Variants in ADCY8 observed in about 807,000 individuals in gnomAD.
ADCY8 encodes adenylate cyclase type 8.
In ADCY8, 51 loss-of-function variants were observed where a neutral mutation model predicts 119.7. That is an observed-to-expected ratio of 0.43 (90% CI 0.34 to 0.54). ADCY8 has a LOEUF of 0.54. Ranked by LOEUF, ADCY8 falls within the 20% of genes least tolerant of loss-of-function variation. The pLI, the probability that ADCY8 is intolerant of heterozygous loss-of-function variation, is 0.03. For synonymous variants in ADCY8, 665 were observed against 651.0 expected (o/e 1.02, Z -0.33); for missense variants, 1,383 against 1,598.8 (o/e 0.87, Z 2.30).
chr8:130,797,417 A>T (rs118190941), intron 15 of ADCY8, among the ~76,000 whole-genome samples: 2 of 152,294 alleles, frequency 1.3e-5, no homozygotes, highest in African/African-American at 2.4e-5. Context: ...TAGGGTAATT[A>T]AAAAAATTGG....
At chr8:130,973,590 C>T (rs906717663) in intron 2 of ADCY8, among the ~76,000 whole-genome samples, 3 of 152,230 alleles carry the variant, frequency 2.0e-5, no homozygotes, top group South Asian at 2.1e-4. Context: ...AGCCAACACA[C>T]ATTTGTGAGC....
chr8:130,980,780 A>G lies in ADCY8; in HGVS notation c.1110+9613T>C, dbSNP rs139010723. ...CTCTGTCTCAACTTTCTAGATTCCAATGGCCGATCAAGAGTAGTGTCAAGG... is the reference window on the plus strand; with the variant it reads ...CTCTGTCTCAACTTTCTAGATTCCAGTGGCCGATCAAGAGTAGTGTCAAGG... On this transcript the variant is annotated intron_variant, in intron 2 of 17. Transcript: ENST00000286355. Among the ~76,000 whole-genome samples, 47 of 152,316 alleles carry G rather than the reference A, an allele frequency of 3.1e-4. No homozygotes were observed. The East Asian group carries it at 6.0e-3, about 19-fold the overall frequency.
intron 11 of ADCY8, among the ~76,000 whole-genome samples, chr8:130,847,092 A>C (rs1338073350): frequency 1.3e-5 from 2 of 151,872 alleles, no homozygotes; most frequent in African/African-American, 4.8e-5. Context: ...AAATGCATAG[A>C]GAAGGAAGAG....
chr8:130,880,231 A>G (rs1247706786), intron 8 of ADCY8, among the ~76,000 whole-genome samples: 2 of 152,202 alleles, frequency 1.3e-5, no homozygotes, highest in South Asian at 2.1e-4. Flanking sequence ...GGTTGTGTAC[A>G]TAAGTCTATA....
chr8:130,787,280 G>A (rs1815277174), intron 15 of ADCY8, among the ~76,000 whole-genome samples: 1 of 152,274 alleles, frequency 6.6e-6, no homozygotes, highest in African/African-American at 2.4e-5. Flanking sequence ...GATCCAGGCA[G>A]GCAATGACAA....
At chr8:130,846,793 T>TCC in intron 11 of ADCY8, among the ~76,000 whole-genome samples, 1 of 50,114 alleles carries the variant, frequency 2.0e-5, no homozygotes, top group African/African-American at 7.4e-5. Flanking sequence ...TCCTTCCTTC[T>TCC]CCTTCCTTCC....
intron 2 of ADCY8, among the ~76,000 whole-genome samples, chr8:130,972,841 GT>G: frequency 6.6e-6 from 1 of 150,562 alleles, no homozygotes; most frequent in South Asian, 2.1e-4. Context: ...TTCAGCATCA[GT>G]TTTTTTTTCC....
intron 13 of ADCY8, 72 bp downstream of exon 13, chr8:130,821,270 G>A (rs749159194): frequency 3.0e-5 from 39 of 1,310,176 alleles, no homozygotes; most frequent in Non-Finnish European, 3.6e-5. Flanking sequence ...GCTGCAAAGA[G>A]CAGCAGAGGC....
chr8:130,917,904 C>T (rs1341740464), intron 5 of ADCY8, among the ~76,000 whole-genome samples: 2 of 152,094 alleles, frequency 1.3e-5, no homozygotes, highest in Non-Finnish European at 2.9e-5. Flanking sequence ...TCTGTCCTAC[C>T]TGCCTGGAAG....
intron 16 of ADCY8, 104 bp downstream of exon 16, chr8:130,785,279 A>C: frequency 1.4e-6 from 1 of 732,046 alleles, no homozygotes; most frequent in Non-Finnish European, 2.2e-6. Context: ...TTTTCTCCCC[A>C]TCTTTCCCCA....
In ADCY8 at chr8:130,846,536, C is replaced by A. The variant is rs1337591534; in HGVS notation, c.2502+888G>T. Among the ~76,000 whole-genome samples the A allele has an allele frequency of 2.4e-5, 3 of 122,920 alleles. No individual in the cohort carries two copies. The South Asian group carries it at 8.2e-4, about 34-fold the overall frequency. 80.6% of individuals were successfully genotyped at this position (122,920 alleles called of 152,430 possible). A position where few individuals can be genotyped will look rare whatever the true frequency, so the allele number is the denominator to read the frequency against. ...CCTCTCTCCCTCCCTCCCTCCCTTC[C>A]TTCCTTCCTTCATTCCTTCATTCCT... On this transcript the variant is annotated intron_variant, in intron 11 of 17. Transcript: ENST00000286355.
At position 130,982,873 on chromosome 8, in the gene ADCY8, A is replaced by G. The variant is rs1822280136; in HGVS notation, c.1110+7520T>C. Among the ~76,000 whole-genome samples the G allele has an allele frequency of 7.2e-5, 11 of 152,268 alleles. No individual in the cohort carries two copies. The South Asian group carries it at 2.3e-3, about 32-fold the overall frequency. On this transcript the variant is annotated intron_variant, in intron 2 of 17. Transcript: ENST00000286355. ...GGATTGTCTTTAACATCTGGTGTGT[A>G]TTGTACATGCACAGCATGTCTCATT... is the stretch of plus-strand genomic sequence containing the variant.
At chr8:131,005,976 G>C (rs930936308) in intron 1 of ADCY8, among the ~76,000 whole-genome samples, 1 of 151,926 alleles carries the variant, frequency 6.6e-6, no homozygotes, top group Non-Finnish European at 1.5e-5. Context: ...TTGCACATTT[G>C]GTTCCCTTTT....
At chr8:130,947,992 A>G (rs1258317350) in intron 3 of ADCY8, among the ~76,000 whole-genome samples, 1 of 152,182 alleles carries the variant, frequency 6.6e-6, no homozygotes, top group East Asian at 1.9e-4. Context: ...GAATCTGAAC[A>G]GAAATGACAT....
intron 6 of ADCY8, among the ~76,000 whole-genome samples, chr8:130,909,004 TC>T (rs1211860649): frequency 1.7e-5 from 2 of 118,184 alleles, no homozygotes; most frequent in East Asian, 2.3e-4. Flanking sequence ...TCTCTCTCTC[TC>T]TCTCTTTCTC....
intron 6 of ADCY8, among the ~76,000 whole-genome samples, chr8:130,907,030 C>G (rs1277942160): frequency 6.6e-6 from 1 of 151,976 alleles, no homozygotes; most frequent in Non-Finnish European, 1.5e-5. Flanking sequence ...CTCTACCACC[C>G]TGGAACTGTA....
intron 15 of ADCY8, among the ~76,000 whole-genome samples, chr8:130,791,111 AAC>A (rs1815410973): frequency 6.6e-6 from 1 of 152,248 alleles, no homozygotes; most frequent in South Asian, 2.1e-4. Context: ...GTCAAAAATA[AAC>A]AGACATAAAT....
At chr8:130,793,452 T>G (rs1815485166) in intron 15 of ADCY8, among the ~76,000 whole-genome samples, 1 of 152,244 alleles carries the variant, frequency 6.6e-6, no homozygotes, top group Admixed American at 6.5e-5. Context: ...CCACCGAATG[T>G]ATCTCTGTCT....
chr8:130,959,756 A>G (rs1441410735), intron 2 of ADCY8, among the ~76,000 whole-genome samples: 2 of 152,214 alleles, frequency 1.3e-5, no homozygotes, highest in African/African-American at 4.8e-5. Flanking sequence ...CTAACAGAAG[A>G]GAGCAGTATG....
Sources: allele counts gnomAD v4.1 joint callset (sites outside exome capture counted in the v4.1 genomes callset), GRCh38; gene constraint gnomAD v4.1.1; transcripts MANE v1.5; gene names NCBI Gene and HGNC (gene_info 2026-07-23, HGNC 2026-07-21).